RPH3A: variants seen among roughly 807,000 people sequenced by gnomAD.
The protein encoded by RPH3A is rabphilin 3A, also known as rabphilin-3A.
Under a neutral mutation model 102.2 loss-of-function variants are expected in RPH3A, and 48 were observed. The ratio of observed to expected loss-of-function variants is 0.47; its 90% CI spans 0.37 to 0.60. RPH3A has a LOEUF of 0.60. Among genes scored for constraint, RPH3A ranks in the 20% least tolerant of loss-of-function variants. The probability of loss-of-function intolerance (pLI) is 0.00; values close to 1 mark genes in which losing one functional copy is unlikely to be tolerated. For synonymous variants in RPH3A, 310 were observed against 324.3 expected (o/e 0.96, Z 0.47); for missense variants, 781 against 910.1 (o/e 0.86, Z 1.83).
intron 1 of RPH3A, among the ~76,000 whole-genome samples, chr12:112,623,970 A>C (rs1266833564): frequency 7.7e-6 from 1 of 130,308 alleles, no homozygotes; most frequent in East Asian, 2.3e-4. Flanking sequence ...CTGGGTACAT[A>C]ACGAAATGAA....
At chr12:112,586,357 A>T (rs1012011990) in intron 1 of RPH3A, among the ~76,000 whole-genome samples, 1 of 152,146 alleles carries the variant, frequency 6.6e-6, no homozygotes, top group Non-Finnish European at 1.5e-5. Context: ...AAGTGCTGTG[A>T]AGGCAAATAT....
intron 1 of RPH3A, among the ~76,000 whole-genome samples, chr12:112,722,923 G>A (rs1020819157): frequency 2.0e-5 from 3 of 152,152 alleles, no homozygotes; most frequent in Non-Finnish European, 4.4e-5. Flanking sequence ...TATTATTTTG[G>A]TCCTGTTAAT....
chr12:112,742,897 C>T (rs2040719555), intron 1 of RPH3A, among the ~76,000 whole-genome samples: 1 of 152,150 alleles, frequency 6.6e-6, no homozygotes, highest in South Asian at 2.1e-4. Context: ...GGGCTGTGTT[C>T]CTCCTGGAAG....
chr12:112,878,612 C>T (rs2042849815), intron 13 of RPH3A, among the ~76,000 whole-genome samples: 1 of 152,224 alleles, frequency 6.6e-6, no homozygotes, highest in Non-Finnish European at 1.5e-5. Flanking sequence ...CATTGAGTGA[C>T]TATGATGGTA....
At chr12:112,755,721 C>T (rs140211962) in intron 1 of RPH3A, among the ~76,000 whole-genome samples, 1 of 152,124 alleles carries the variant, frequency 6.6e-6, no homozygotes, top group Non-Finnish European at 1.5e-5. Flanking sequence ...CCCTGCTGAG[C>T]CCTGCCTTTT....
chr12:112,699,685 T>C (rs1232642783), intron 1 of RPH3A, among the ~76,000 whole-genome samples: 1 of 152,206 alleles, frequency 6.6e-6, no homozygotes, highest in Non-Finnish European at 1.5e-5. Flanking sequence ...CTTTCTTGAT[T>C]TGGGTGGTGG....
At chr12:112,735,688 C>T (rs753358880) in intron 1 of RPH3A, among the ~76,000 whole-genome samples, 4 of 152,284 alleles carry the variant, frequency 2.6e-5, no homozygotes, top group Non-Finnish European at 5.9e-5. Flanking sequence ...GTTCACTAGA[C>T]GCTGGGACAG....
rs1436138789 is a variant in RPH3A, at chr12:112,795,925, C to T, written c.-19+3662C>T. Among the ~76,000 whole-genome samples, 3 of 152,132 alleles carry T rather than the reference C, an allele frequency of 2.0e-5. No individual in the cohort carries two copies. In the East Asian group the frequency reaches 5.8e-4, roughly 29 times the overall value. ...TGGTAACAGTGAAATCACCCCTGAC[C>T]AAAACAAAAGTAGGGTGAGGTAGAG... On this transcript the variant is annotated intron_variant, in intron 2 of 21. Transcript: ENST00000389385.
chr12:112,704,151 T>C (rs1284473325), intron 1 of RPH3A, among the ~76,000 whole-genome samples: 1 of 151,796 alleles, frequency 6.6e-6, no homozygotes. Context: ...TGCAGTGGCA[T>C]GATCTCAACT....
chr12:112,655,528 T>C (rs2040004717), intron 1 of RPH3A, among the ~76,000 whole-genome samples: 4 of 151,592 alleles, frequency 2.6e-5, no homozygotes, highest in Admixed American at 1.3e-4. Flanking sequence ...AGTTTCTTCA[T>C]GTCTGATTTG....
At chr12:112,842,443 T>C (rs1227454607) in intron 4 of RPH3A, among the ~76,000 whole-genome samples, 1 of 152,208 alleles carries the variant, frequency 6.6e-6, no homozygotes, top group Non-Finnish European at 1.5e-5. Context: ...TCAGAGATGC[T>C]ATGTAACCTG....
At chr12:112,889,161 C>T (rs2043051246) in intron 17 of RPH3A, among the ~76,000 whole-genome samples, 1 of 152,262 alleles carries the variant, frequency 6.6e-6, no homozygotes. Context: ...AGGATTTCCA[C>T]TGAATTCCAG....
upstream of RPH3A, among the ~76,000 whole-genome samples, chr12:112,790,266 C>T (rs1243143927): frequency 6.6e-6 from 1 of 152,152 alleles, no homozygotes; most frequent in Non-Finnish European, 1.5e-5. Flanking sequence ...CCATGTTGGC[C>T]AGGCTGATCT....
chr12:112,720,636 A>G (rs1428887889), intron 1 of RPH3A, among the ~76,000 whole-genome samples: 2 of 152,038 alleles, frequency 1.3e-5, no homozygotes, highest in East Asian at 1.9e-4. Context: ...ATTCTCTTTC[A>G]TTTGTCTCTT....
intron 2 of RPH3A, among the ~76,000 whole-genome samples, chr12:112,811,304 G>C (rs1396770742): frequency 6.6e-6 from 1 of 151,958 alleles, no homozygotes; most frequent in Non-Finnish European, 1.5e-5. Flanking sequence ...TTAATATACT[G>C]TTGATTCCAT....
At chr12:112,627,058 G>A (rs978584379) in intron 1 of RPH3A, among the ~76,000 whole-genome samples, 1 of 113,398 alleles carries the variant, frequency 8.8e-6, no homozygotes, top group Admixed American at 9.8e-5. Context: ...GGGGACTGTG[G>A]TGGGGTGGGG....
intron 1 of RPH3A, among the ~76,000 whole-genome samples, chr12:112,725,810 T>TG (rs2040584898): frequency 1.4e-5 from 2 of 146,900 alleles, no homozygotes; most frequent in Non-Finnish European, 3.0e-5. Context: ...TTGTTGTTGT[T>TG]TTTGAGACGG....
intron 16 of RPH3A, among the ~76,000 whole-genome samples, chr12:112,885,347 G>T (rs897732861): frequency 1.3e-5 from 2 of 152,222 alleles, no homozygotes; most frequent in Admixed American, 6.5e-5. Context: ...AGTTCCAGTT[G>T]CTTCACAGCC....
At chr12:112,739,943 T>TC (rs11344039) in intron 1 of RPH3A, among the ~76,000 whole-genome samples, 1 of 151,790 alleles carries the variant, frequency 6.6e-6, no homozygotes, top group Admixed American at 6.6e-5. Context: ...TCTCCCTTCA[T>TC]CCCCCCCCAG....
Sources: gnomAD v4.1 joint callset for allele counts (sites outside exome capture counted in the v4.1 genomes callset) on GRCh38, gnomAD v4.1.1 for gene constraint, MANE v1.5 for transcripts, NCBI Gene and HGNC (gene_info 2026-07-23, HGNC 2026-07-21) for gene names.